The following GOLM2 variants were observed in gnomAD, a reference collection of about 807,000 sequenced individuals.
GOLM2 encodes the protein protein GOLM2.
In GOLM2, 26 loss-of-function variants were observed where a neutral mutation model predicts 55.9. The ratio of observed to expected loss-of-function variants is 0.47; its 90% CI spans 0.34 to 0.65. The LOEUF is 0.65. GOLM2 is among the 30% of genes least tolerant of loss of function. The pLI is 0.01. For missense variants in GOLM2, 486 were observed against 531.8 expected, an observed-to-expected ratio of 0.91 and a Z score of 0.85; for synonymous variants, 165 against 194.6, an observed-to-expected ratio of 0.85 and a Z score of 1.27.
In GOLM2 at chr15:44,316,488, G is replaced by T. The variant is rs1001942298; in HGVS notation, c.328-6477G>T. Among the ~76,000 whole-genome samples, 3 of 152,312 alleles carry T rather than the reference G, an allele frequency of 2.0e-5. No homozygotes were observed. In the East Asian group the frequency reaches 5.8e-4, roughly 29 times the overall value. On this transcript the variant is annotated intron_variant, in intron 1 of 9. Transcript: ENST00000299957. ...GTTAAAGAGCTGGCCCGGCGCGGTGGCTCACGCCTGTAATCCCAGCACTTT... is the reference window on the plus strand; with the variant it reads ...GTTAAAGAGCTGGCCCGGCGCGGTGTCTCACGCCTGTAATCCCAGCACTTT...
intron 6 of GOLM2, among the ~76,000 whole-genome samples, chr15:44,366,108 T>TA (rs1407451842): frequency 6.6e-6 from 1 of 151,520 alleles, no homozygotes; most frequent in African/African-American, 2.4e-5. Context: ...CCACCCTGGC[T>TA]AACACAGTGA....
At chr15:44,388,294 C>G (rs1348192459) in intron 8 of GOLM2, among the ~76,000 whole-genome samples, 1 of 134,466 alleles carries the variant, frequency 7.4e-6, no homozygotes, top group East Asian at 2.5e-4. Flanking sequence ...AAAAAAAAAT[C>G]GTTAGTATTC....
intron 6 of GOLM2, among the ~76,000 whole-genome samples, chr15:44,365,292 C>T (rs2079276189): frequency 6.6e-6 from 1 of 152,132 alleles, no homozygotes; most frequent in South Asian, 2.1e-4. Flanking sequence ...ATTGGGAGGC[C>T]AAAGTTGACA....
chr15:44,410,903 C>CAAAAAA lies in GOLM2; in HGVS notation c.1241-2418_1241-2413dup, dbSNP rs35934853. 1.6e-4 allele frequency among the ~76,000 whole-genome samples: 9 copies of CAAAAAA among 56,314 alleles called. 1 individual carries two copies. Among genetic ancestry groups the CAAAAAA allele is most frequent in the South Asian group, 1.3e-3 (2 of 1,570 alleles). 36.9% of individuals were successfully genotyped at this position (56,314 alleles called of 152,430 possible). ...GAGTGATGGGACTGAGACCCTGTATCAAAAAAAAAAAAAAAAAAAAGGTGC... is the reference window on the plus strand; with the variant it reads ...GAGTGATGGGACTGAGACCCTGTATCAAAAAAAAAAAAAAAAAAAAAAAAAAGGTGC... On this transcript the variant is annotated intron_variant, in intron 9 of 9. Coordinates refer to ENST00000299957, the MANE Select transcript of GOLM2 (RefSeq NM_138423.4).
intron 6 of GOLM2, among the ~76,000 whole-genome samples, chr15:44,352,677 C>T (rs2899113): frequency 0.03 from 4,520 of 151,926 alleles, 106 homozygotes; most frequent in East Asian, 0.1. Flanking sequence ...TTTGGGAGGC[C>T]GGCAGATCAC....
intron 1 of GOLM2, chr15:44,307,930 G>A (rs1233231143): frequency 6.6e-6 from 1 of 152,164 alleles, no homozygotes; most frequent in Non-Finnish European, 1.5e-5. Flanking sequence ...AGAAGGTCAA[G>A]CAGTAGAATA....
At chr15:44,400,213 A>G (rs2079555594) in intron 8 of GOLM2, among the ~76,000 whole-genome samples, 3 of 151,992 alleles carry the variant, frequency 2.0e-5, no homozygotes, top group Non-Finnish European at 4.4e-5. Context: ...TATATATTGT[A>G]CATATCCAAG....
At chr15:44,369,206 A>ATATGTG (rs1253084573) in intron 6 of GOLM2, among the ~76,000 whole-genome samples, 4 of 110,194 alleles carry the variant, frequency 3.6e-5, no homozygotes, top group African/African-American at 1.6e-4. Flanking sequence ...ATATATATAT[A>ATATGTG]TGTGTGTGTG....
chr15:44,358,843 G>A (rs967051546), intron 6 of GOLM2, among the ~76,000 whole-genome samples: 1 of 152,162 alleles, frequency 6.6e-6, no homozygotes, highest in African/African-American at 2.4e-5. Context: ...AATAATTGAT[G>A]AGCTGGACTT....
At chr15:44,392,457 T>C (rs1321112223) in intron 8 of GOLM2, among the ~76,000 whole-genome samples, 1 of 151,906 alleles carries the variant, frequency 6.6e-6, no homozygotes, top group East Asian at 1.9e-4. Context: ...ACCCTGTCTC[T>C]ACTAAAAATA....
intron 1 of GOLM2, among the ~76,000 whole-genome samples, chr15:44,297,440 C>T (rs2078763852): frequency 6.6e-6 from 1 of 152,170 alleles, no homozygotes. Flanking sequence ...GTTTTGCTTA[C>T]TTTTGCCTTC....
intron 4 of GOLM2, among the ~76,000 whole-genome samples, chr15:44,337,299 G>A (rs2079064044): frequency 6.6e-6 from 1 of 151,902 alleles, no homozygotes; most frequent in Admixed American, 6.6e-5. Flanking sequence ...AGCACACTTA[G>A]GAAGAAGATT....
chr15:44,319,287 C>T (rs547758856), intron 1 of GOLM2, among the ~76,000 whole-genome samples: 4 of 152,248 alleles, frequency 2.6e-5, no homozygotes, highest in African/African-American at 9.6e-5. Flanking sequence ...GATTATGGCT[C>T]ATTGCACTCC....
At chr15:44,290,426 T>C (rs539289363) in intron 1 of GOLM2, among the ~76,000 whole-genome samples, 2 of 152,326 alleles carry the variant, frequency 1.3e-5, no homozygotes, top group Non-Finnish European at 2.9e-5. Flanking sequence ...AATTAAACTG[T>C]CTGTGAGCTT....
At chr15:44,410,300 G>T (rs2079629083) in intron 9 of GOLM2, among the ~76,000 whole-genome samples, 1 of 152,260 alleles carries the variant, frequency 6.6e-6, no homozygotes, top group East Asian at 1.9e-4. Context: ...AATTAGCTGG[G>T]CGTGGTGGCG....
At chr15:44,391,520 A>G (rs1029759282) in intron 8 of GOLM2, among the ~76,000 whole-genome samples, 1 of 151,984 alleles carries the variant, frequency 6.6e-6, no homozygotes, top group African/African-American at 2.4e-5. Flanking sequence ...CCATCTCAAA[A>G]AAAAAAAAAG....
intron 2 of GOLM2, among the ~76,000 whole-genome samples, chr15:44,326,378 AAT>A (rs1283092480): frequency 1.3e-5 from 2 of 151,950 alleles, no homozygotes; most frequent in Non-Finnish European, 2.9e-5. Context: ...ATTATTATAC[AAT>A]AGTTATTATG....
chr15:44,313,419 A>C (rs1293702776), intron 1 of GOLM2, among the ~76,000 whole-genome samples: 2 of 151,996 alleles, frequency 1.3e-5, no homozygotes, highest in Admixed American at 1.3e-4. Context: ...CTCTCAGTTT[A>C]CTTCTTAGTC....
intron 1 of GOLM2, among the ~76,000 whole-genome samples, chr15:44,321,148 G>C (rs1304495088): frequency 6.6e-6 from 1 of 152,040 alleles, no homozygotes; most frequent in Non-Finnish European, 1.5e-5. Context: ...ACATGGGATG[G>C]TGGGGGACTG....
Sources: allele counts gnomAD v4.1 joint callset (sites outside exome capture counted in the v4.1 genomes callset), GRCh38; gene constraint gnomAD v4.1.1; transcripts MANE v1.5; gene names NCBI Gene and HGNC (gene_info 2026-07-23, HGNC 2026-07-21).